Variants in HIVEP2 observed in about 807,000 individuals in gnomAD.
HIVEP2 encodes HIVEP zinc finger 2, also known as transcription factor HIVEP2.
Under a neutral mutation model 180.7 loss-of-function variants are expected in HIVEP2, and 14 were observed. The observed-to-expected ratio is 0.08, with a 90% CI of 0.05 to 0.12. The LOEUF is 0.12. HIVEP2 is among the 10% of genes least tolerant of loss of function. The pLI, the probability that HIVEP2 is intolerant of heterozygous loss-of-function variation, is 1.00. For synonymous variants in HIVEP2, 1,184 were observed against 1,136.4 expected (o/e 1.04, Z -0.84); for missense variants, 2,579 against 3,008.5 (o/e 0.86, Z 3.34).
intron 2 of HIVEP2, among the ~76,000 whole-genome samples, chr6:142,816,295 A>AT (rs1715212859): frequency 6.6e-6 from 1 of 152,208 alleles, no homozygotes; most frequent in South Asian, 2.1e-4. Context: ...TTCACAGCCA[A>AT]TGATTTATTT....
chr6:142,787,293 C>A (rs531520884), intron 2 of HIVEP2, among the ~76,000 whole-genome samples: 1 of 151,964 alleles, frequency 6.6e-6, no homozygotes, highest in South Asian at 2.1e-4. Flanking sequence ...GAAAATAATT[C>A]TTATAAACTC....
At position 142,753,662 on chromosome 6, in the gene HIVEP2, C is replaced by T. The variant is rs1185400923; in HGVS notation, c.6786G>A (p.Glu2262=). The change falls in exon 10 of 10, where the codon GAG becomes GAA. Residue 2262 remains glutamate, a synonymous_variant. Transcript: ENST00000367603. ...TLPLPMEGFE[E]KKGASGESFS... ...AGGACTCCCCTGACGCGCCTTTCTT[C>T]TCCTCAAAGCCCTCCATTGGCAGGG... is the stretch of plus-strand genomic sequence containing the variant. 1.2e-6 allele frequency: 2 copies of T among 1,614,060 alleles called. No homozygotes were observed. The highest frequency in any genetic ancestry group is 1.7e-6 in the Non-Finnish European group (2 of 1,180,048).
At chr6:142,885,156 T>C (rs1333277672) in intron 1 of HIVEP2, among the ~76,000 whole-genome samples, 1 of 152,140 alleles carries the variant, frequency 6.6e-6, no homozygotes, top group Non-Finnish European at 1.5e-5. Flanking sequence ...CCTTCTCCAG[T>C]CAACCCCATG....
intron 1 of HIVEP2, among the ~76,000 whole-genome samples, chr6:142,925,595 A>C (rs1389370979): frequency 6.6e-6 from 1 of 152,224 alleles, no homozygotes; most frequent in Non-Finnish European, 1.5e-5. Context: ...AATAACCTTA[A>C]ATTTCCTTAT....
At chr6:142,766,769 T>C (rs1235257611) in intron 6 of HIVEP2, among the ~76,000 whole-genome samples, 1 of 152,224 alleles carries the variant, frequency 6.6e-6, no homozygotes, top group Non-Finnish European at 1.5e-5. Context: ...AGGTAATTGA[T>C]GGATTTTGAA....
intron 3 of HIVEP2, 27 bp from the exon 4 acceptor site, chr6:142,776,218 G>A (rs197509): frequency 0.71 from 108,004 of 152,458 alleles, 39,135 homozygotes; most frequent in African/African-American, 0.85. Context: ...TGCAGTTAGG[G>A]AAAATTGTTC....
At position 142,766,460 on chromosome 6, in the gene HIVEP2, C is replaced by G. The variant is rs1775381731; in HGVS notation, c.5343-1486G>C. Among the ~76,000 whole-genome samples, 4 of 152,250 alleles carry G rather than the reference C, an allele frequency of 2.6e-5. No individual in the cohort carries two copies. In the South Asian group the frequency reaches 8.3e-4, roughly 32 times the overall value. ...TCTTTCACCTTTAAATTTCACTATT[C>G]TCTGCCCCTAACTAGATGAAATTGC... On this transcript the variant is annotated intron_variant, in intron 6 of 9. Coordinates refer to ENST00000367603, the MANE Select transcript of HIVEP2 (RefSeq NM_006734.4).
At chr6:142,899,698 G>A (rs949506256) in intron 1 of HIVEP2, among the ~76,000 whole-genome samples, 1 of 152,222 alleles carries the variant, frequency 6.6e-6, no homozygotes, top group East Asian at 1.9e-4. Flanking sequence ...GTGTAAGGCT[G>A]AAAACAACAT....
Position 142,769,590 on chromosome 6 carries a change from T to G in HIVEP2, c.5149A>C (p.Lys1717Gln). 6.2e-7 allele frequency: 1 copy of G among 1,614,236 alleles called. No individual in the cohort carries two copies. Residue 1717 changes from lysine to glutamine, a missense_variant, in exon 5 of 10, where the codon AAG becomes CAG. By Grantham distance (53) the Lys-to-Gln change is moderately conservative. Coordinates refer to ENST00000367603, the MANE Select transcript of HIVEP2 (RefSeq NM_006734.4). ...LAAMHRPGTGKLTSSSAWKQF... is the reference protein window; with the variant it reads ...LAAMHRPGTGQLTSSSAWKQF... Reference sequence around the variant, plus strand: ...TTCCAAGCACTTGATGATGTAAGCTTGCCGGTTCCAGGCCTATGCATAGCA... The same window carrying G: ...TTCCAAGCACTTGATGATGTAAGCTGGCCGGTTCCAGGCCTATGCATAGCA...
rs1424214061 is a variant in HIVEP2, at chr6:142,773,241, T to C, written c.1498A>G (p.Ser500Gly). 3.1e-6 allele frequency: 5 copies of C among 1,614,236 alleles called. No individual in the cohort carries two copies. The highest frequency in any genetic ancestry group is 1.7e-5 in the Admixed American group (1 of 60,032). The change falls in exon 5 of 10, where the codon AGT becomes GGT. Residue 500 changes from serine (S) to glycine (G), a missense_variant. By Grantham distance (56) the Ser-to-Gly change is moderately conservative. Around this residue, in one of 11 missense-constraint regions of HIVEP2, gnomAD observed 524 missense variants for 563.6 expected, o/e 0.93. Coordinates refer to ENST00000367603, the MANE Select transcript of HIVEP2 (RefSeq NM_006734.4). ...TSMLKSTKFN[S>G]ESRQPQIIPS... ...ATAATCTGGGGTTGTCTGGACTCAC[T>C]GTTGAACTTAGTGGATTTCAGCATG...
At chr6:142,905,773 G>A (rs1408793713) in intron 1 of HIVEP2, among the ~76,000 whole-genome samples, 1 of 152,168 alleles carries the variant, frequency 6.6e-6, no homozygotes, top group Non-Finnish European at 1.5e-5. Context: ...CATGGTCATG[G>A]TTTTAGAATA....
chr6:142,773,812 G>C lies in HIVEP2; in HGVS notation c.927C>G (p.Gly309=). Residue 309 remains glycine (G), a synonymous_variant, in exon 5 of 10, where the codon GGC becomes GGG. Transcript: ENST00000367603. ...ATTCTTCCAATGACCCATGATAGCC[G>C]CCTCTGCTGGCAATGTCCAGTGGGA... ...PPIPLDIASR[G]GYHGSLEESL... The C allele has an allele frequency of 6.2e-7, 1 of 1,613,650 alleles. No homozygotes were observed. The highest frequency in any genetic ancestry group is 8.5e-7 in the Non-Finnish European group (1 of 1,180,004).
At chr6:142,854,122 G>A (rs183114752) in intron 1 of HIVEP2, among the ~76,000 whole-genome samples, 53 of 152,292 alleles carry the variant, frequency 3.5e-4, no homozygotes, top group Admixed American at 2.0e-3. Context: ...TGGTGGCTGT[G>A]CCATCCCCCT....
chr6:142,926,972 A>C (rs1239023524), intron 1 of HIVEP2, among the ~76,000 whole-genome samples: 1 of 151,430 alleles, frequency 6.6e-6, no homozygotes, highest in Non-Finnish European at 1.5e-5. Flanking sequence ...CGGGGGGCCA[A>C]AGTTCAAGCC....
rs778206851 is a variant in HIVEP2 at position 142,753,428 on chromosome 6, C to T, written c.7020G>A (p.Thr2340=). The stretch of plus-strand genomic sequence containing the variant: ...CTGGCCCGAGCAGAGCTGCCTCTTC[C>T]GTGGCAATCCGGAGAGAGGCAATGG... ...TKAIASLRIA[T]EEAALLGPDQ... is the part of the protein sequence containing the mutation. The change falls in exon 10 of 10, where the codon ACG becomes ACA. Residue 2340 remains threonine (T), a synonymous_variant. Transcript: ENST00000367603. The T allele has an allele frequency of 5.1e-5, 82 of 1,613,846 alleles. No individual in the cohort carries two copies. Among genetic ancestry groups the T allele is most frequent in the South Asian group, 3.3e-5 (3 of 91,086 alleles).
chr6:142,774,248 T>C lies in HIVEP2; in HGVS notation c.491A>G (p.Gln164Arg), dbSNP rs771274088. ...CTGTTCAATACTTTTCTGGGAGTAT[T>C]GGCTATAAGCAGGGTTCAGACTTGA... is the stretch of plus-strand genomic sequence containing the variant. ...KISSLNPAYS[Q>R]YSQKSIEQAE... Residue 164 changes from glutamine to arginine, a missense_variant, in exon 5 of 10, where the codon CAA becomes CGA. By Grantham distance (43) the Gln-to-Arg change is conservative (BLOSUM62 1). Coordinates refer to ENST00000367603, the MANE Select transcript of HIVEP2 (RefSeq NM_006734.4). The surrounding 1 kb of genome is among the most constrained non-coding windows in gnomAD (Gnocchi z 5.1). 1 of 1,614,180 alleles carries C rather than the reference T, an allele frequency of 6.2e-7. No individual in the cohort carries two copies.
chr6:142,871,059 C>T (rs1309337243), intron 1 of HIVEP2, among the ~76,000 whole-genome samples: 1 of 152,152 alleles, frequency 6.6e-6, no homozygotes, highest in Non-Finnish European at 1.5e-5. Flanking sequence ...TTGCCTAAAA[C>T]ATGGTTCTAC....
chr6:142,876,979 G>T (rs1012582434), intron 1 of HIVEP2, among the ~76,000 whole-genome samples: 1 of 152,224 alleles, frequency 6.6e-6, no homozygotes, highest in African/African-American at 2.4e-5. Flanking sequence ...AGCCCAGGGG[G>T]TTGAGATTGC....
chr6:142,808,648 A>G (rs1038193511), intron 2 of HIVEP2, among the ~76,000 whole-genome samples: 3 of 147,910 alleles, frequency 2.0e-5, no homozygotes, highest in Admixed American at 1.4e-4. Flanking sequence ...AGGGATGGAG[A>G]GAAGAAAGGA....
Sources: allele counts gnomAD v4.1 joint callset (sites outside exome capture counted in the v4.1 genomes callset), GRCh38; gene constraint gnomAD v4.1.1; regional missense constraint gnomAD v4.1.1; non-coding constraint Gnocchi (gnomAD v3.1); transcripts MANE v1.5; gene names NCBI Gene and HGNC (gene_info 2026-07-23, HGNC 2026-07-21).